The following TPO variants were observed in gnomAD, a reference collection of about 807,000 sequenced individuals.
TPO encodes thyroid microsomal antigen.
Under a neutral mutation model 96.9 loss-of-function variants are expected in TPO, and 78 were observed. That is an observed-to-expected ratio of 0.81 (90% confidence interval 0.67 to 0.97). TPO has a LOEUF of 0.97. TPO is among the 50% of genes least tolerant of loss of function. TPO has a pLI of 0.00. For synonymous variants in TPO, 547 were observed against 538.0 expected (o/e 1.02, Z -0.23); for missense variants, 1,252 against 1,274.8 (o/e 0.98, Z 0.27).
At position 1,433,485 on chromosome 2, in the gene TPO, T is replaced by A; in HGVS notation, c.227T>A (p.Phe76Tyr). ...GILSPAQLLS[F>Y]SKLPEPTSGV... ...CTTTCTCCAGCTCAGCTTCTGTCTT[T>A]TTCCAAACTTCCTGAGCCAACAAGC... The change falls in exon 4 of 17, where the codon TTT becomes TAT. Residue 76 changes from phenylalanine to tyrosine, a missense_variant. Transcript: ENST00000329066. 1 of 1,614,246 alleles carries A rather than the reference T, an allele frequency of 6.2e-7. No homozygotes were observed. The highest frequency in any genetic ancestry group is 8.5e-7 in the Non-Finnish European group (1 of 1,180,048).
intron 15 of TPO, among the ~76,000 whole-genome samples, chr2:1,539,495 G>T (rs1048259268): frequency 6.6e-6 from 1 of 152,160 alleles, no homozygotes; most frequent in Non-Finnish European, 1.5e-5. Flanking sequence ...CTGTACAGAG[G>T]AGAGGCAGAC....
intron 10 of TPO, among the ~76,000 whole-genome samples, chr2:1,491,133 G>A (rs1366643887): frequency 2.0e-5 from 3 of 151,984 alleles, no homozygotes; most frequent in African/African-American, 7.3e-5. Context: ...TCATGCCTCT[G>A]CACTCCAGCC....
chr2:1,536,778 T>C, intron 15 of TPO, among the ~76,000 whole-genome samples: 3 of 81,528 alleles, frequency 3.7e-5, no homozygotes, highest in Admixed American at 1.4e-4. Context: ...CTGTGTAATC[T>C]CCCCAAATCC....
intron 3 of TPO, among the ~76,000 whole-genome samples, chr2:1,427,211 T>G (rs994468533): frequency 2.4e-4 from 36 of 152,230 alleles, no homozygotes; most frequent in African/African-American, 8.0e-4. Context: ...GGGGGCCCTG[T>G]GCCTGGGGAC....
intron 5 of TPO, among the ~76,000 whole-genome samples, chr2:1,442,292 T>A (rs1157286893): frequency 6.6e-6 from 1 of 152,160 alleles, no homozygotes; most frequent in Non-Finnish European, 1.5e-5. Flanking sequence ...CAGGGTGGAA[T>A]TACTCACGGA....
chr2:1,541,071 T>C, intron 16 of TPO: 1 of 1,237,588 alleles, frequency 8.1e-7, no homozygotes, highest in South Asian at 1.6e-5. Flanking sequence ...ATTCTGATTT[T>C]TAAGTGGAAT....
At chr2:1,519,126 G>A (rs1022421348) in intron 15 of TPO, among the ~76,000 whole-genome samples, 4 of 152,158 alleles carry the variant, frequency 2.6e-5, no homozygotes, top group Non-Finnish European at 5.9e-5. Context: ...CGGGGGAGCC[G>A]CCTGCAGGCA....
chr2:1,511,322 G>C (rs1304583353), intron 14 of TPO, among the ~76,000 whole-genome samples: 11 of 11,348 alleles, frequency 9.7e-4, no homozygotes, highest in Non-Finnish European at 1.1e-3. Context: ...GCGCAGCCCT[G>C]CAGACTGGGG....
intron 11 of TPO, among the ~76,000 whole-genome samples, chr2:1,495,312 A>G (rs1282453649): frequency 6.6e-6 from 1 of 152,192 alleles, no homozygotes; most frequent in East Asian, 1.9e-4. Context: ...GGAGATGCAC[A>G]TGGGAGATGC....
At chr2:1,461,711 C>T (rs951037864) in intron 7 of TPO, among the ~76,000 whole-genome samples, 12 of 152,176 alleles carry the variant, frequency 7.9e-5, no homozygotes, top group African/African-American at 2.2e-4. Context: ...CATACACACA[C>T]GTGCACACAG....
intron 15 of TPO, among the ~76,000 whole-genome samples, chr2:1,532,087 C>CCCA (rs1678404253): frequency 7.9e-6 from 1 of 126,498 alleles, no homozygotes; most frequent in African/African-American, 3.1e-5. Context: ...CCTCAAGTCC[C>CCCA]CCACTGTGTG....
chr2:1,535,028 C>T (rs1353604870), intron 15 of TPO, among the ~76,000 whole-genome samples: 3 of 144,592 alleles, frequency 2.1e-5, no homozygotes, highest in Non-Finnish European at 4.5e-5. Flanking sequence ...TACAACCTCC[C>T]CAAATCCCCC....
At chr2:1,472,025 C>A (rs1409606998) in intron 7 of TPO, among the ~76,000 whole-genome samples, 1 of 151,902 alleles carries the variant, frequency 6.6e-6, no homozygotes, top group Non-Finnish European at 1.5e-5. Flanking sequence ...GCATACCCAT[C>A]CCATTCTTTG....
intron 2 of TPO, among the ~76,000 whole-genome samples, chr2:1,421,185 C>G (rs28910005): frequency 6.6e-6 from 1 of 152,178 alleles, no homozygotes; most frequent in South Asian, 2.1e-4. Context: ...GCAAAAGGCA[C>G]GACGGCCGGG....
chr2:1,511,971 T>C (rs1349995401), intron 14 of TPO, among the ~76,000 whole-genome samples: 2 of 152,346 alleles, frequency 1.3e-5, no homozygotes, highest in East Asian at 3.9e-4. Context: ...CAATATTTTG[T>C]TTCAAACGTC....
At chr2:1,405,358 CGTT>C (rs1662234986) in intron 1 of TPO, among the ~76,000 whole-genome samples, 2 of 151,730 alleles carry the variant, frequency 1.3e-5, no homozygotes, top group African/African-American at 4.8e-5. Flanking sequence ...TCCACCCACT[CGTT>C]CATCCACCCA....
At chr2:1,438,779 ATTT>A (rs3036132) in intron 5 of TPO, 12,332 of 660,374 alleles carry the variant, frequency 0.019, 617 homozygotes, top group African/African-American at 0.17. Flanking sequence ...TTAACTGGAG[ATTT>A]TTTTTTTTTT....
At chr2:1,486,896 C>T (rs376677253) in intron 9 of TPO, among the ~76,000 whole-genome samples, 1 of 152,200 alleles carries the variant, frequency 6.6e-6, no homozygotes, top group South Asian at 2.1e-4. Context: ...CAAGGGCCAG[C>T]CTGGCCCTCA....
In TPO at chr2:1,499,274, G is replaced by A. The variant is rs372998806; in HGVS notation, c.2386+2509G>A. On this transcript the variant is annotated intron_variant, in intron 13 of 16. Transcript: ENST00000329066. ...TGCCCTCTGACCTTCCGCCTGGGAC[G>A]TTGCTCATCTGTCTCCTAAGTGAGG... 6.5e-4 allele frequency among the ~76,000 whole-genome samples: 99 copies of A among 152,178 alleles called. 2 individuals carry two copies. The highest frequency in any genetic ancestry group is 2.2e-3 in the African/African-American group (93 of 41,528).
Sources: gnomAD v4.1 joint callset for allele counts (sites outside exome capture counted in the v4.1 genomes callset) on GRCh38, gnomAD v4.1.1 for gene constraint, MANE v1.5 for transcripts, NCBI Gene and HGNC (gene_info 2026-07-23, HGNC 2026-07-21) for gene names.